The following GNL3 variants were observed in gnomAD, a reference collection of about 807,000 sequenced individuals.
GNL3 encodes the protein guanine nucleotide-binding protein-like 3.
In GNL3, 77 loss-of-function variants were observed where a neutral mutation model predicts 70.6. The ratio of observed to expected loss-of-function variants is 1.09; its 90% confidence interval spans 0.91 to 1.32. GNL3 has a LOEUF of 1.32. GNL3 is among the 40% of genes most tolerant of loss of function. The pLI, the probability that GNL3 is intolerant of heterozygous loss-of-function variation, is 0.00. For synonymous variants in GNL3, 252 were observed against 216.1 expected (o/e 1.17, Z -1.46); for missense variants, 634 against 644.0 (o/e 0.98, Z 0.17).
intron 2 of GNL3, 117 bp from the exon 3 acceptor site, chr3:52,687,129 T>C (rs1338936740): frequency 1.2e-6 from 1 of 843,028 alleles, no homozygotes; most frequent in East Asian, 2.5e-5. Context: ...TAAAGCTCCA[T>C]TTTCCTAGGA....
At chr3:52,692,260 C>T (rs1346733866) in intron 9 of GNL3, among the ~76,000 whole-genome samples, 2 of 152,104 alleles carry the variant, frequency 1.3e-5, no homozygotes, top group Non-Finnish European at 2.9e-5. Flanking sequence ...GTTGGCCAGG[C>T]TAGCCTCAAA....
Position 52,687,747 on chromosome 3 carries a change from C to T in GNL3, c.324+132C>T, listed in dbSNP as rs1167906695. On this transcript the variant is annotated intron_variant, in intron 4 of 14. Transcript: ENST00000418458. ...ACCCAGGCTCAAGCAGTCTTACCAC[C>T]TCAGTCTCCAAGTAGCTGGGACTAC... is the stretch of plus-strand genomic sequence containing the variant. 6.5e-5 allele frequency: 41 copies of T among 628,750 alleles called. No individual in the cohort carries two copies. In the Admixed American group the frequency reaches 1.2e-3, roughly 18 times the overall value. 38.9% of individuals were successfully genotyped at this position (628,750 alleles called of 1,614,324 possible).
chr3:52,685,967 A>C, upstream of GNL3: 1 of 752,380 alleles, frequency 1.3e-6, no homozygotes, highest in Non-Finnish European at 2.5e-6. Flanking sequence ...GTGCCCGCGC[A>C]CGCAGAGAGG....
Position 52,693,865 on chromosome 3 carries a change from A to G in GNL3, c.1500+58A>G, listed in dbSNP as rs995836410. The G allele has an allele frequency of 2.1e-6, 3 of 1,454,902 alleles. No homozygotes were observed. The South Asian group carries it at 3.5e-5, about 17-fold the overall frequency. The allele number at this position is 1,454,902 out of a possible 1,614,324, so 90.1% of individuals were successfully genotyped here. On this transcript the variant is annotated intron_variant, in intron 13 of 14. Transcript: ENST00000418458. ...TGAGTTTTCTAGCATTATAATACAT[A>G]ATGGAAGGAACTGAAGATAGGAAAT...
At chr3:52,689,014 GATGTAGTTCTGATCATTTTCTCCTTGATA>G (rs2097324762) in intron 5 of GNL3, 31 bp from the exon 6 acceptor site, 16 of 1,388,500 alleles carry the variant, frequency 1.2e-5, no homozygotes, top group Non-Finnish European at 1.4e-5. Flanking sequence ...CAGAACAAGG[GATGTAGTTCTGATCATTTTCTCCTTGATA>G]ATGTAGTTCT....
chr3:52,690,405 G>A (rs2097326138), intron 6 of GNL3, among the ~76,000 whole-genome samples, 187 bp from the exon 7 acceptor site: 1 of 152,126 alleles, frequency 6.6e-6, no homozygotes, highest in African/African-American at 2.4e-5. Flanking sequence ...TGGGACTACA[G>A]GTGCCCACCA....
rs1162924579 is a variant in GNL3, at chr3:52,693,557, T to C, written c.1324+13T>C. 6.2e-7 allele frequency: 1 copy of C among 1,614,076 alleles called. No individual in the cohort carries two copies. The highest frequency in any genetic ancestry group is 2.2e-5 in the East Asian group (1 of 44,904). Reference sequence around the variant, plus strand: ...CAGAGCATAAGAGGTGAGAATTGTGTGTCGCTGCTGTCTTCATCAGCTGAC... The same window carrying C: ...CAGAGCATAAGAGGTGAGAATTGTGCGTCGCTGCTGTCTTCATCAGCTGAC... On this transcript the variant is annotated intron_variant, in intron 12 of 14. Coordinates refer to ENST00000418458, the MANE Select transcript of GNL3 (RefSeq NM_014366.5).
rs1415025546 is a variant in GNL3 at position 52,688,197 on chromosome 3, C to T, written c.408+5C>T. On this transcript the variant is annotated splice_donor_5th_base_variant and intron_variant, in intron 5 of 14. Transcript: ENST00000418458. ...TACTGCCAAGAACTTAAAAAGGTAT[C>T]TTAGCCTAGGTCAGTGTCTGACAGT... 1.9e-6 allele frequency: 3 copies of T among 1,541,928 alleles called. No individual in the cohort carries two copies. Among genetic ancestry groups the T allele is most frequent in the South Asian group, 2.2e-5 (2 of 89,588 alleles).
At position 52,687,540 on chromosome 3, in the gene GNL3, G is replaced by A. The variant is rs201521320; in HGVS notation, c.249G>A (p.Gln83=). ...AACAGCAGCAGAAACTTGACAGGCAGAAGGAACTAGAAAAGAAAAGAAAAC... is the reference window on the plus strand; with the variant it reads ...AACAGCAGCAGAAACTTGACAGGCAAAAGGAACTAGAAAAGAAAAGAAAAC... The part of the protein sequence containing the change: ...ELKQQQKLDR[Q]KELEKKRKLE... Residue 83 remains glutamine (Q), a synonymous_variant, in exon 4 of 15, where the codon CAG becomes CAA. Coordinates refer to ENST00000418458, the MANE Select transcript of GNL3 (RefSeq NM_014366.5). The A allele has an allele frequency of 3.7e-6, 6 of 1,613,796 alleles. No individual in the cohort carries two copies. Among genetic ancestry groups the A allele is most frequent in the East Asian group, 2.2e-5 (1 of 44,870 alleles).
At chr3:52,690,903 T>C (rs1399284291) in intron 7 of GNL3, 42 bp from the exon 8 acceptor site, 2 of 1,603,854 alleles carry the variant, frequency 1.2e-6, no homozygotes, top group Non-Finnish European at 1.7e-6. Flanking sequence ...TTGAAATTTA[T>C]CAGGTAAGTT....
At chr3:52,692,703 G>A in intron 9 of GNL3, 169 bp from the exon 10 acceptor site, 1 of 762,918 alleles carries the variant, frequency 1.3e-6, no homozygotes. Context: ...GTTCTCTTTA[G>A]AACAGTCGGG....
At position 52,691,615 on chromosome 3, in the gene GNL3, C is replaced by A; in HGVS notation, c.855C>A (p.Ser285=). 6.4e-7 allele frequency: 1 copy of A among 1,567,822 alleles called. No individual in the cohort carries two copies. Reference sequence around the variant, plus strand: ...AACAGATGTGTAATGTTGGTGTATCCATGGGGCTTACAAGGTAAATGGAGG... The same window carrying A: ...AACAGATGTGTAATGTTGGTGTATCAATGGGGCTTACAAGGTAAATGGAGG... ...KQEQMCNVGV[S]MGLTRSMQVV... is the part of the protein sequence containing the mutation. The change falls in exon 9 of 15, where the codon TCC becomes TCA. Residue 285 remains serine, a synonymous_variant. Transcript: ENST00000418458.
At chr3:52,687,062 A>G in intron 2 of GNL3, 184 bp from the exon 3 acceptor site, 1 of 636,382 alleles carries the variant, frequency 1.6e-6, no homozygotes, top group Non-Finnish European at 2.8e-6. Context: ...AGAGCCTTCT[A>G]GTTACAATTT....
chr3:52,686,043 G>T lies in GNL3; in HGVS notation c.-50G>T, dbSNP rs770567079. 2.3e-6 allele frequency: 2 copies of T among 884,654 alleles called. No individual in the cohort carries two copies. Among genetic ancestry groups the T allele is most frequent in the Non-Finnish European group, 3.9e-6 (2 of 513,116 alleles). The allele number at this position is 884,654 out of a possible 1,614,324, so 54.8% of individuals were successfully genotyped here. A position where few individuals can be genotyped will look rare whatever the true frequency, so the allele number is the denominator to read the frequency against. ...TCGTCAGTGGCTTCAGTTCACACGT[G>T]GCGCCAGCGGAGGCAGGTTGATGTG... On this transcript the variant is annotated 5_prime_UTR_variant, in exon 1 of 15. Coordinates refer to ENST00000418458, the MANE Select transcript of GNL3 (RefSeq NM_014366.5).
Position 52,693,662 on chromosome 3 carries a change from T to C in GNL3, c.1355T>C (p.Ile452Thr). 4 of 1,614,180 alleles carry C rather than the reference T, an allele frequency of 2.5e-6. No homozygotes were observed. Among genetic ancestry groups the C allele is most frequent in the Non-Finnish European group, 3.4e-6 (4 of 1,180,040 alleles). ...AIKGPHLANS[I>T]LFQSSGLTNG... ...AAGGGCCCTCATTTGGCCAATAGCA[T>C]CCTTTTCCAGTCTTCCGGTCTGACA... The change falls in exon 13 of 15, where the codon ATC (isoleucine) becomes ACC (threonine). Residue 452 changes from isoleucine to threonine, a missense_variant. Coordinates refer to ENST00000418458, the MANE Select transcript of GNL3 (RefSeq NM_014366.5).
intron 2 of GNL3, 57 bp downstream of exon 2, chr3:52,686,884 T>C: frequency 1.5e-6 from 2 of 1,325,918 alleles, no homozygotes; most frequent in South Asian, 1.2e-5. Context: ...GATTTTGCCC[T>C]GTTCCTTTGC....
chr3:52,689,204 C>T lies in GNL3; in HGVS notation c.539C>T (p.Ser180Leu). ...QKKLVLILNK[S>L]DLVPKENLES... The stretch of plus-strand genomic sequence containing the variant: ...AAGCTGGTACTTATATTAAATAAAT[C>T]AGGTGAGTAAAGAGGGTACCCTTTG... Residue 180 changes from serine (S) to leucine (L), a missense_variant and splice_region_variant, in exon 6 of 15, where the codon TCA becomes TTA. Physicochemically the swap from Ser to Leu is moderately radical, Grantham distance 145. Transcript: ENST00000418458. 6.2e-7 allele frequency: 1 copy of T among 1,612,938 alleles called. No individual in the cohort carries two copies. Among genetic ancestry groups the T allele is most frequent in the African/African-American group, 1.3e-5 (1 of 75,014 alleles).
In GNL3 at chr3:52,691,569, T is replaced by A; in HGVS notation, c.809T>A (p.Ile270Asn). ...TTCCCAAATGTGGGGAAAAGCAGCA[T>A]TATCAATAGCTTAAAACAAGAACAG... ...IGFPNVGKSS[I>N]INSLKQEQMC... is the part of the protein sequence containing the mutation. Residue 270 changes from isoleucine to asparagine, a missense_variant, in exon 9 of 15, where the codon ATT (isoleucine) becomes AAT (asparagine). Ile to Asn is a moderately radical substitution (Grantham distance 149). Coordinates refer to ENST00000418458, the MANE Select transcript of GNL3 (RefSeq NM_014366.5). 6.3e-7 allele frequency: 1 copy of A among 1,599,516 alleles called. No individual in the cohort carries two copies. Among genetic ancestry groups the A allele is most frequent in the Non-Finnish European group, 8.6e-7 (1 of 1,168,390 alleles).
Position 52,691,074 on chromosome 3 carries a change from G to T in GNL3, c.781+3G>T. The T allele has an allele frequency of 6.2e-7, 1 of 1,613,230 alleles. No homozygotes were observed. The highest frequency in any genetic ancestry group is 8.5e-7 in the Non-Finnish European group (1 of 1,179,214). On this transcript the variant is annotated splice_donor_region_variant and intron_variant, in intron 8 of 14. Coordinates refer to ENST00000418458, the MANE Select transcript of GNL3 (RefSeq NM_014366.5). ...AGCCATTCGGGTTGGAGTAATTGGT[G>T]AGTTTCAGTTCATTACTTTTTACTT...
Sources: allele counts gnomAD v4.1 joint callset (sites outside exome capture counted in the v4.1 genomes callset), GRCh38; gene constraint gnomAD v4.1.1; transcripts MANE v1.5; gene names NCBI Gene and HGNC (gene_info 2026-07-23, HGNC 2026-07-21).